MCTP2: variants seen among roughly 807,000 people sequenced by gnomAD.
MCTP2 encodes the protein multiple C2 and transmembrane domain containing 2.
MCTP2 carries 132 observed loss-of-function variants against 111.6 expected under a neutral mutation model. That is an observed-to-expected ratio of 1.18 (90% CI 1.03 to 1.37). The LOEUF (loss-of-function observed/expected upper bound fraction) is 1.37, where lower values mean the gene tolerates loss of function less well. Among genes scored for constraint, MCTP2 ranks in the 40% most tolerant of loss-of-function variants. The probability of loss-of-function intolerance (pLI) is 0.00; values close to 1 mark genes in which losing one functional copy is unlikely to be tolerated. For missense variants in MCTP2, 1,183 were observed against 1,067.9 expected (o/e 1.11, Z -1.50); for synonymous variants, 395 against 387.7 (o/e 1.02, Z -0.22).
chr15:94,304,061 C>G (rs981716283), intron 2 of MCTP2, among the ~76,000 whole-genome samples: 2 of 152,176 alleles, frequency 1.3e-5, no homozygotes, highest in African/African-American at 2.4e-5. Flanking sequence ...TCATCTAGCT[C>G]AGAGGACTGA....
At chr15:94,368,833 G>A (rs111226124) in intron 11 of MCTP2, among the ~76,000 whole-genome samples, 4 of 152,172 alleles carry the variant, frequency 2.6e-5, no homozygotes, top group African/African-American at 9.7e-5. Flanking sequence ...GTTTATAAAG[G>A]AACATTAGAT....
intron 4 of MCTP2, among the ~76,000 whole-genome samples, chr15:94,326,487 A>C (rs2076876238): frequency 6.6e-6 from 1 of 152,188 alleles, no homozygotes; most frequent in Admixed American, 6.5e-5. Context: ...ACTCTTGAGA[A>C]AGACCTATTT....
intron 17 of MCTP2, among the ~76,000 whole-genome samples, chr15:94,408,762 T>C (rs1304794727): frequency 6.6e-6 from 1 of 152,262 alleles, no homozygotes; most frequent in African/African-American, 2.4e-5. Flanking sequence ...CTAGATCGAC[T>C]GAAATCACTT....
intron 12 of MCTP2, among the ~76,000 whole-genome samples, chr15:94,376,992 C>T (rs956073635): frequency 1.3e-5 from 2 of 152,180 alleles, no homozygotes; most frequent in African/African-American, 4.8e-5. Flanking sequence ...TTAGACCCCA[C>T]ATTATAGAGT....
At chr15:94,458,642 T>TCAAGGCA (rs2084990826) in intron 20 of MCTP2, among the ~76,000 whole-genome samples, 1 of 152,180 alleles carries the variant, frequency 6.6e-6, no homozygotes, top group Non-Finnish European at 1.5e-5. Flanking sequence ...CTTGAGTAAC[T>TCAAGGCA]TTTCTCTCCA....
At chr15:94,349,818 T>TG (rs2078204716) in intron 8 of MCTP2, among the ~76,000 whole-genome samples, 1 of 133,028 alleles carries the variant, frequency 7.5e-6, no homozygotes, top group Non-Finnish European at 1.6e-5. Context: ...GGACTCTGTC[T>TG]GAAAAAAAAA....
At chr15:94,276,295 C>T (rs961023507) in intron 1 of MCTP2, among the ~76,000 whole-genome samples, 2 of 152,126 alleles carry the variant, frequency 1.3e-5, no homozygotes, top group Admixed American at 6.5e-5. Flanking sequence ...GGTATGTTTA[C>T]AGTCCTAGAT....
Position 94,441,630 on chromosome 15 carries a change from A to G in MCTP2, c.2209-1289A>G, listed in dbSNP as rs3784643. ...CTTTATTTATAAAACATTGAAAATAATTACCTAATTTAGTTCGATAACACA... is the reference window on the plus strand; with the variant it reads ...CTTTATTTATAAAACATTGAAAATAGTTACCTAATTTAGTTCGATAACACA... On this transcript the variant is annotated intron_variant, in intron 18 of 22. Transcript: ENST00000357742. Among the ~76,000 whole-genome samples the G allele has an allele frequency of 4.7e-4, 72 of 152,344 alleles. 3 individuals carry two copies. The East Asian group carries it at 0.011, about 24-fold the overall frequency.
At chr15:94,388,708 GT>G (rs1468940908) in intron 14 of MCTP2, among the ~76,000 whole-genome samples, 2 of 152,060 alleles carry the variant, frequency 1.3e-5, no homozygotes, top group Non-Finnish European at 2.9e-5. Context: ...CACTTGGCAT[GT>G]GCTGAACCAT....
intron 1 of MCTP2, among the ~76,000 whole-genome samples, chr15:94,248,254 A>G (rs559499561): frequency 7.9e-5 from 12 of 152,182 alleles, no homozygotes; most frequent in Non-Finnish European, 1.6e-4. Flanking sequence ...AAATCCCTAC[A>G]CTTGCACCCC....
intron 4 of MCTP2, among the ~76,000 whole-genome samples, chr15:94,318,370 G>A (rs148114715): frequency 0.015 from 2,298 of 149,748 alleles, 32 homozygotes; most frequent in Non-Finnish European, 0.023. Flanking sequence ...TGCAACCTCC[G>A]CCTCCTGGGT....
intron 14 of MCTP2, among the ~76,000 whole-genome samples, chr15:94,390,109 T>TATATGC (rs2080855454): frequency 5.1e-5 from 2 of 38,850 alleles, no homozygotes; most frequent in African/African-American, 1.2e-4. Context: ...TATATATATA[T>TATATGC]ATATGTATAT....
chr15:94,419,746 C>T (rs1021670911), intron 17 of MCTP2, among the ~76,000 whole-genome samples: 3 of 147,548 alleles, frequency 2.0e-5, no homozygotes, highest in African/African-American at 7.6e-5. Flanking sequence ...GCACTTTGCA[C>T]ATACTGCTTA....
chr15:94,256,744 C>T lies in MCTP2; in HGVS notation c.-66+25080C>T, dbSNP rs370430892. On this transcript the variant is annotated intron_variant, in intron 1 of 22. Transcript: ENST00000357742. ...AACAGGCAGTGGTTAATGTGAGATA[C>T]GGTGTATAGTTTTGTATTTCCAGCA... Among the ~76,000 whole-genome samples, 9 of 152,270 alleles carry T rather than the reference C, an allele frequency of 5.9e-5. No individual in the cohort carries two copies. The East Asian group carries it at 1.2e-3, about 20-fold the overall frequency.
chr15:94,284,953 G>T (rs2074681182), intron 1 of MCTP2, among the ~76,000 whole-genome samples: 1 of 152,152 alleles, frequency 6.6e-6, no homozygotes, highest in South Asian at 2.1e-4. Context: ...TTGTATTTTT[G>T]TTGAAATTTT....
Position 94,387,730 on chromosome 15 carries a change from A to G in MCTP2, c.1788+2205A>G, listed in dbSNP as rs533913615. 3.8e-4 allele frequency among the ~76,000 whole-genome samples: 58 copies of G among 152,372 alleles called. 1 individual carries two copies. In the South Asian group the frequency reaches 5.2e-3, roughly 14 times the overall value. The stretch of plus-strand genomic sequence containing the variant: ...ACAATGCATAAACAAAACAAAAGCA[A>G]TATACAGAATGTTAGATGGTGAAAA... On this transcript the variant is annotated intron_variant, in intron 14 of 22. Transcript: ENST00000357742.
intron 19 of MCTP2, among the ~76,000 whole-genome samples, chr15:94,450,300 C>T (rs1346461470): frequency 1.3e-5 from 2 of 152,222 alleles, no homozygotes; most frequent in Non-Finnish European, 1.5e-5. Context: ...TCTCCCCACT[C>T]CATTTTAATA....
chr15:94,351,322 C>G (rs2078291318), intron 8 of MCTP2, among the ~76,000 whole-genome samples: 1 of 152,174 alleles, frequency 6.6e-6, no homozygotes, highest in African/African-American at 2.4e-5. Context: ...ATGTATGGAT[C>G]TTCTCATGTC....
intron 14 of MCTP2, among the ~76,000 whole-genome samples, chr15:94,390,088 A>ACG (rs1567602769): frequency 1.0e-3 from 11 of 10,882 alleles, no homozygotes; most frequent in African/African-American, 1.9e-3. Flanking sequence ...ATATATATAT[A>ACG]TGTATATATA....
Sources: gnomAD v4.1 joint callset for allele counts (sites outside exome capture counted in the v4.1 genomes callset) on GRCh38, gnomAD v4.1.1 for gene constraint, MANE v1.5 for transcripts, NCBI Gene and HGNC (gene_info 2026-07-23, HGNC 2026-07-21) for gene names.